Variants in OTUD7A observed in about 807,000 individuals in gnomAD.
The protein encoded by OTUD7A is OTU deubiquitinase 7A.
Under a neutral mutation model 65.7 loss-of-function variants are expected in OTUD7A, and 12 were observed. That is an observed-to-expected ratio of 0.18 (90% CI 0.12 to 0.30). OTUD7A has a LOEUF of 0.30. Ranked by LOEUF, OTUD7A falls within the 10% of genes least tolerant of loss-of-function variation. The pLI is 1.00. For synonymous variants in OTUD7A, 641 were observed against 586.3 expected (o/e 1.09, Z -1.35); for missense variants, 1,148 against 1,304.8 (o/e 0.88, Z 1.85).
intron 3 of OTUD7A, among the ~76,000 whole-genome samples, chr15:31,575,085 G>C (rs1889164316): frequency 6.6e-6 from 1 of 152,152 alleles, no homozygotes; most frequent in South Asian, 2.1e-4. Flanking sequence ...TAAACTCAGG[G>C]GGGAAAAGGA....
At chr15:31,570,483 ACAC>A (rs936752548) in intron 3 of OTUD7A, among the ~76,000 whole-genome samples, 2 of 140,486 alleles carry the variant, frequency 1.4e-5, no homozygotes, top group African/African-American at 5.3e-5. Context: ...ACACACACAC[ACAC>A]ATCTAAACAC....
Position 31,482,715 on chromosome 15 carries a change from CTG to C in OTUD7A, c.*577_*578del, listed in dbSNP as rs1002400167. On this transcript the variant is annotated 3_prime_UTR_variant, in exon 13 of 13. Coordinates refer to ENST00000307050, the MANE Select transcript of OTUD7A (RefSeq NM_001382637.1). ...AGGAGGTTTTGCTTATGAAATGGAG[CTG>C]TGTGTTTCTAAAGGGCCACAGTGAC... The C allele has an allele frequency of 4.6e-5, 7 of 152,168 alleles. No individual in the cohort carries two copies. The highest frequency in any genetic ancestry group is 1.7e-4 in the African/African-American group (7 of 41,396). 9.4% of individuals were successfully genotyped at this position (152,168 alleles called of 1,614,324 possible).
At chr15:31,832,755 A>G (rs1896965776) in intron 1 of OTUD7A, among the ~76,000 whole-genome samples, 1 of 152,204 alleles carries the variant, frequency 6.6e-6, no homozygotes, top group East Asian at 1.9e-4. Flanking sequence ...AGGTTCATGC[A>G]TGTTGTAGCA....
chr15:31,709,790 G>A (rs939518520), intron 1 of OTUD7A, among the ~76,000 whole-genome samples: 5 of 152,062 alleles, frequency 3.3e-5, no homozygotes, highest in African/African-American at 4.8e-5. Flanking sequence ...GTTTTTGTAT[G>A]TGTGTATATG....
intron 4 of OTUD7A, among the ~76,000 whole-genome samples, chr15:31,563,736 T>C (rs1174865802): frequency 6.6e-6 from 1 of 152,192 alleles, no homozygotes; most frequent in Non-Finnish European, 1.5e-5. Flanking sequence ...GGGCAGTCCC[T>C]ACAGGAAACA....
At chr15:31,499,116 G>A (rs2041427258) in intron 10 of OTUD7A, among the ~76,000 whole-genome samples, 1 of 152,214 alleles carries the variant, frequency 6.6e-6, no homozygotes, top group African/African-American at 2.4e-5. Flanking sequence ...AGACATGATG[G>A]GGCATGTAAA....
intron 1 of OTUD7A, among the ~76,000 whole-genome samples, chr15:31,743,751 G>GAA (rs1400450641): frequency 1.0e-5 from 1 of 97,040 alleles, no homozygotes; most frequent in Admixed American, 1.3e-4. Flanking sequence ...AAAAAAAAAA[G>GAA]AAAAGAAAAG....
rs1330586486 is a variant in OTUD7A at position 31,478,384 on chromosome 15, T to A, written c.*4910A>T. 1 of 152,196 alleles carries A rather than the reference T, an allele frequency of 6.6e-6. No homozygotes were observed. Among genetic ancestry groups the A allele is most frequent in the Non-Finnish European group, 1.5e-5 (1 of 68,038 alleles). The allele number at this position is 152,196 out of a possible 1,614,324, so 9.4% of individuals were successfully genotyped here. On this transcript the variant is annotated 3_prime_UTR_variant, in exon 13 of 13. Transcript: ENST00000307050. ...TCCTTGATATGCTCTTTGGGAGGAA[T>A]AAAAAGATGCAAGCAATGTGCATCA...
chr15:31,736,253 C>T (rs184623603), intron 1 of OTUD7A, among the ~76,000 whole-genome samples: 2 of 152,182 alleles, frequency 1.3e-5, no homozygotes, highest in African/African-American at 2.4e-5. Flanking sequence ...GCAGTGAACA[C>T]GTTTACACTT....
chr15:31,861,865 G>A (rs1595822144), intron 1 of OTUD7A, among the ~76,000 whole-genome samples: 1 of 152,138 alleles, frequency 6.6e-6, no homozygotes, highest in African/African-American at 2.4e-5. Flanking sequence ...TCCTTCCTTG[G>A]GGGGACCATG....
At chr15:31,617,079 T>A (rs1468564129) in intron 3 of OTUD7A, among the ~76,000 whole-genome samples, 1 of 152,166 alleles carries the variant, frequency 6.6e-6, no homozygotes, top group Non-Finnish European at 1.5e-5. Context: ...AGGGTAGATC[T>A]ACAACCAAAT....
chr15:31,817,284 C>A lies in OTUD7A; in HGVS notation c.-100+53223G>T, dbSNP rs1442206128. The stretch of plus-strand genomic sequence containing the variant: ...CCACCCTAGATCATTTGCCCCCCCC[C>A]ATCACTCATGGCTTATCAGTGAGAT... On this transcript the variant is annotated intron_variant, in intron 1 of 12. Coordinates refer to ENST00000307050, the MANE Select transcript of OTUD7A (RefSeq NM_001382637.1). Among the ~76,000 whole-genome samples the A allele has an allele frequency of 2.7e-5, 4 of 150,220 alleles. No individual in the cohort carries two copies. In the South Asian group the frequency reaches 6.4e-4, roughly 24 times the overall value.
At chr15:31,607,238 T>A (rs1015158234) in intron 3 of OTUD7A, among the ~76,000 whole-genome samples, 3 of 152,060 alleles carry the variant, frequency 2.0e-5, no homozygotes, top group Admixed American at 1.3e-4. Flanking sequence ...TTTTAACAAG[T>A]CTTATGGATC....
chr15:31,836,125 A>G (rs1897049600), intron 1 of OTUD7A, among the ~76,000 whole-genome samples: 1 of 152,142 alleles, frequency 6.6e-6, no homozygotes, highest in African/African-American at 2.4e-5. Flanking sequence ...TGATAACACC[A>G]CCGAGAAACC....
At chr15:31,797,833 C>T (rs1896012202) in intron 1 of OTUD7A, among the ~76,000 whole-genome samples, 3 of 152,152 alleles carry the variant, frequency 2.0e-5, no homozygotes, top group South Asian at 2.1e-4. Context: ...AGTTATGGAA[C>T]GTTGTATTAG....
intron 1 of OTUD7A, among the ~76,000 whole-genome samples, chr15:31,678,602 G>A (rs1296533330): frequency 6.6e-6 from 1 of 152,234 alleles, no homozygotes; most frequent in East Asian, 1.9e-4. Context: ...TTCAGAGGGT[G>A]CAAGCCCCAA....
At chr15:31,568,191 C>T (rs1888936619) in intron 4 of OTUD7A, among the ~76,000 whole-genome samples, 1 of 152,212 alleles carries the variant, frequency 6.6e-6, no homozygotes, top group African/African-American at 2.4e-5. Context: ...CAGAGAGCAG[C>T]CATGGGGGCT....
intron 1 of OTUD7A, among the ~76,000 whole-genome samples, chr15:31,777,984 C>T (rs182567806): frequency 9.9e-4 from 151 of 152,192 alleles, no homozygotes; most frequent in African/African-American, 3.5e-3. Context: ...GGAAATGGAG[C>T]GGCTCTTAGA....
Position 31,476,590 on chromosome 15 carries a change from G to C in OTUD7A, c.*6704C>G, listed in dbSNP as rs879740600. The C allele has an allele frequency of 1.3e-5, 2 of 152,266 alleles. No homozygotes were observed. Among genetic ancestry groups the C allele is most frequent in the Non-Finnish European group, 2.9e-5 (2 of 68,092 alleles). 9.4% of individuals were successfully genotyped at this position (152,266 alleles called of 1,614,324 possible). A position where few individuals can be genotyped will look rare whatever the true frequency, so the allele number is the denominator to read the frequency against. Reference sequence around the variant, plus strand: ...CAATGAAAGGGACACTGTTTATTTGGCAATTCAAGCACAGGAATGCACATG... The same window carrying C: ...CAATGAAAGGGACACTGTTTATTTGCCAATTCAAGCACAGGAATGCACATG... On this transcript the variant is annotated 3_prime_UTR_variant, in exon 13 of 13. Coordinates refer to ENST00000307050, the MANE Select transcript of OTUD7A (RefSeq NM_001382637.1).
Sources: allele counts gnomAD v4.1 joint callset (sites outside exome capture counted in the v4.1 genomes callset), GRCh38; gene constraint gnomAD v4.1.1; transcripts MANE v1.5; gene names NCBI Gene and HGNC (gene_info 2026-07-23, HGNC 2026-07-21).